The following NOTCH3 variants were observed in gnomAD, a reference collection of about 807,000 sequenced individuals.
NOTCH3 encodes the protein neurogenic locus notch homolog protein 3.
Under a neutral mutation model 213.3 loss-of-function variants are expected in NOTCH3, and 86 were observed. That is an observed-to-expected ratio of 0.40 (90% confidence interval 0.34 to 0.48). The LOEUF (loss-of-function observed/expected upper bound fraction) is 0.48. Among genes scored for constraint, NOTCH3 ranks in the 20% least tolerant of loss-of-function variants. The pLI is 0.57. For synonymous variants in NOTCH3, 1,354 were observed against 1,355.9 expected (o/e 1.00, Z 0.03); for missense variants, 2,783 against 3,272.6 (o/e 0.85, Z 3.65).
At position 15,187,288 on chromosome 19, in the gene NOTCH3, G is replaced by A. The variant is rs1243082169; in HGVS notation, c.1657C>T (p.Pro553Ser). 12 of 1,613,930 alleles carry A rather than the reference G, an allele frequency of 7.4e-6. No homozygotes were observed. The highest frequency in any genetic ancestry group is 1.0e-5 in the Non-Finnish European group (12 of 1,180,032). Reference sequence around the variant, plus strand: ...TCCACGCAGCGACCATGGTGGCATGGGTCAGGGGAGCAGTCGTCCACGTTG... The same window carrying A: ...TCCACGCAGCGACCATGGTGGCATGAGTCAGGGGAGCAGTCGTCCACGTTG... The part of the protein sequence containing the change: ...DRNVDDCSPD[P>S]CHHGRCVDGI... Residue 553 changes from proline to serine, a missense_variant, in exon 11 of 33, where the codon CCA (proline) becomes TCA (serine). Around this residue, in one of 6 missense-constraint regions of NOTCH3, gnomAD observed 708 missense variants for 906.6 expected, o/e 0.78. Coordinates refer to ENST00000263388, the MANE Select transcript of NOTCH3 (RefSeq NM_000435.3).
Position 15,187,954 on chromosome 19 carries a change from G to A in NOTCH3, c.1533C>T (p.Cys511=), listed in dbSNP as rs1295357202. The A allele has an allele frequency of 2.6e-6, 4 of 1,550,558 alleles. No homozygotes were observed. Among genetic ancestry groups the A allele is most frequent in the Non-Finnish European group, 3.5e-6 (4 of 1,146,996 alleles). The change falls in exon 10 of 33, where the codon TGC becomes TGT. Residue 511 remains cysteine (C), a synonymous_variant. Transcript: ENST00000263388. Reference sequence around the variant, plus strand: ...CGCCATTCCTGCAGGGCGTGCTGGCGCATTCGTCCACGTCCAGCTGACACG... The same window carrying A: ...CGCCATTCCTGCAGGGCGTGCTGGCACATTCGTCCACGTCCAGCTGACACG... ...GSTCQLDVDE[C]ASTPCRNGAK...
intron 16 of NOTCH3, among the ~76,000 whole-genome samples, chr19:15,183,706 G>T (rs533194286): frequency 3.6e-4 from 54 of 152,108 alleles, no homozygotes; most frequent in African/African-American, 1.3e-3. Flanking sequence ...GCCTCTGGGG[G>T]GCCTTTTATC....
At chr19:15,186,375 TTGTATGTGTGTGTGTGTGTG>T (rs1196314177) in intron 12 of NOTCH3, among the ~76,000 whole-genome samples, 37 of 123,320 alleles carry the variant, frequency 3.0e-4, no homozygotes, top group African/African-American at 9.4e-4. Context: ...TTGTTTGTTT[TTGTATGTGTGTGTGTGTGTG>T]TGTGTGTGTG....
intron 10 of NOTCH3, among the ~76,000 whole-genome samples, 169 bp downstream of exon 10, chr19:15,187,712 G>C (rs1168999038): frequency 6.6e-6 from 1 of 151,906 alleles, no homozygotes; most frequent in Non-Finnish European, 1.5e-5. Flanking sequence ...GGCTCCACAC[G>C]TAGCCTTATG....
At chr19:15,163,842 G>GA (rs917672537) in intron 31 of NOTCH3, among the ~76,000 whole-genome samples, 2 of 149,932 alleles carry the variant, frequency 1.3e-5, no homozygotes, top group Non-Finnish European at 3.0e-5. Context: ...AAAAATAAAA[G>GA]AAAAAAAAAG....
chr19:15,170,216 G>A, intron 27 of NOTCH3, 46 bp from the exon 28 acceptor site: 2 of 1,522,794 alleles, frequency 1.3e-6, no homozygotes, highest in Non-Finnish European at 1.8e-6. Flanking sequence ...CACTAGAGGT[G>A]TCCAGCTGGG....
rs367700473 is a variant in NOTCH3 at position 15,180,973 on chromosome 19, G to A, written c.2982C>T (p.Gly994=). The A allele has an allele frequency of 1.6e-5, 26 of 1,593,012 alleles. No individual in the cohort carries two copies. Among genetic ancestry groups the A allele is most frequent in the Non-Finnish European group, 2.0e-5 (24 of 1,170,838 alleles). The change falls in exon 18 of 33, where the codon GGC becomes GGT. Residue 994 remains glycine (G), a synonymous_variant. Coordinates refer to ENST00000263388, the MANE Select transcript of NOTCH3 (RefSeq NM_000435.3). ...TAACTCCACCCACCTGGCACTGCGG[G>A]CCCGTGAAGCTCTCGAGGCAGGTGC... ...FRCTCLESFT[G]PQCQTLVDWC... is the part of the protein sequence containing the mutation.
At chr19:15,175,947 C>G (rs2046786549) in intron 24 of NOTCH3, among the ~76,000 whole-genome samples, 1 of 150,804 alleles carries the variant, frequency 6.6e-6, no homozygotes, top group African/African-American at 2.4e-5. Flanking sequence ...CAGAGAGGTA[C>G]GCAGAGGACA....
In NOTCH3 at chr19:15,179,191, G is replaced by T. The variant is rs763112778; in HGVS notation, c.3552C>A (p.Asp1184Glu). ...PRCLHNGTCV[D>E]LVGGFRCTCP... is the part of the protein sequence containing the mutation. The stretch of plus-strand genomic sequence containing the variant: ...AGGTGCAGCGGAAACCACCCACCAG[G>T]TCCACGCAGGTGCCATTGTGTAGGC... Residue 1184 changes from aspartate (D) to glutamate (E), a missense_variant, in exon 22 of 33, where the codon GAC becomes GAA. Physicochemically the swap from Asp to Glu is conservative, Grantham distance 45. Transcript: ENST00000263388. 1 of 1,614,072 alleles carries T rather than the reference G, an allele frequency of 6.2e-7. No homozygotes were observed. The highest frequency in any genetic ancestry group is 1.7e-5 in the Admixed American group (1 of 60,036).
rs1342203696 is a variant in NOTCH3, at chr19:15,162,403, G to A, written c.5913+62C>T. 3.6e-6 allele frequency: 4 copies of A among 1,097,662 alleles called. No homozygotes were observed. In the African/African-American group the frequency reaches 6.1e-5, roughly 17 times the overall value. The allele number at this position is 1,097,662 out of a possible 1,614,324, so 68.0% of individuals were successfully genotyped here. A position where few individuals can be genotyped will look rare whatever the true frequency, so the allele number is the denominator to read the frequency against. On this transcript the variant is annotated intron_variant, in intron 32 of 32. Transcript: ENST00000263388. ...TGAGAGAGTCTCACTCTGTTGCCCAGGCTGGATTGCAATGGCACTGTGCCA... is the reference window on the plus strand; with the variant it reads ...TGAGAGAGTCTCACTCTGTTGCCCAAGCTGGATTGCAATGGCACTGTGCCA...
Position 15,160,702 on chromosome 19 carries a change from G to C in NOTCH3, c.6926C>G (p.Pro2309Arg), listed in dbSNP as rs548018044. The C allele has an allele frequency of 9.3e-6, 15 of 1,614,216 alleles. No homozygotes were observed. The African/African-American group carries it at 9.3e-5, about 10-fold the overall frequency. ...CCTCTTGGGGGTAACTTCCGGCTGG[G>C]GCCCCAGCTGGGTCTGGGCCTGAGC... is the stretch of plus-strand genomic sequence containing the variant. Reference protein sequence around the residue: ...SLAQAQTQLGPQPEVTPKRQV... With the variant: ...SLAQAQTQLGRQPEVTPKRQV... The change falls in exon 33 of 33, where the codon CCC becomes CGC. Residue 2309 changes from proline to arginine, a missense_variant. Physicochemically the swap from Pro to Arg is moderately radical, Grantham distance 103. Coordinates refer to ENST00000263388, the MANE Select transcript of NOTCH3 (RefSeq NM_000435.3).
chr19:15,182,179 C>T (rs935943757), intron 16 of NOTCH3, among the ~76,000 whole-genome samples: 4 of 151,978 alleles, frequency 2.6e-5, no homozygotes, highest in African/African-American at 9.7e-5. Flanking sequence ...ATGTAAAATA[C>T]ATACTGGGTT....
In NOTCH3 at chr19:15,169,186, GTCTCTCTC is replaced by G. The variant is rs56916343; in HGVS notation, c.5199+892_5199+899del. ...AAGAAGAGGATGGGATGTCAAATCT[GTCTCTCTC>G]TCTCTCTCTCTCTCTCTCTCTCTCT... On this transcript the variant is annotated intron_variant, in intron 28 of 32. Transcript: ENST00000263388. Among the ~76,000 whole-genome samples the G allele has an allele frequency of 3.2e-3, 468 of 146,734 alleles. 2 individuals are homozygous for G. Among genetic ancestry groups the G allele is most frequent in the African/African-American group, 0.01 (393 of 39,166 alleles).
intron 16 of NOTCH3, among the ~76,000 whole-genome samples, 191 bp from the exon 17 acceptor site, chr19:15,181,992 C>T (rs544428547): frequency 1.4e-4 from 22 of 152,318 alleles, no homozygotes; most frequent in Non-Finnish European, 2.6e-4. Context: ...GAAACCTCAC[C>T]TATGTGGCAA....
chr19:15,200,989 G>A lies in NOTCH3; in HGVS notation c.-84C>T, dbSNP rs1271029032. ...GGCCAGCCTCCGCGCCGCCAACTTC[G>A]CCGAAGTGAGGCGGCCGGGCCGCCC... On this transcript the variant is annotated 5_prime_UTR_variant, in exon 1 of 33. Transcript: ENST00000263388. 5 of 190,474 alleles carry A rather than the reference G, an allele frequency of 2.6e-5. No individual in the cohort carries two copies. The highest frequency in any genetic ancestry group is 9.6e-5 in the African/African-American group (4 of 41,664). 11.8% of individuals were successfully genotyped at this position (190,474 alleles called of 1,614,324 possible).
In NOTCH3 at chr19:15,161,117, C is replaced by A; in HGVS notation, c.6511G>T (p.Asp2171Tyr). The A allele has an allele frequency of 8.4e-6, 13 of 1,539,534 alleles. No individual in the cohort carries two copies. The highest frequency in any genetic ancestry group is 1.1e-5 in the Non-Finnish European group (13 of 1,148,654). The change falls in exon 33 of 33, where the codon GAT becomes TAT. Residue 2171 changes from aspartate to tyrosine, a missense_variant. Coordinates refer to ENST00000263388, the MANE Select transcript of NOTCH3 (RefSeq NM_000435.3). Reference sequence around the variant, plus strand: ...GCAGGTGGGGGCAGCCGGGCCCAATCGAGGGGCACAGCCACAGGGTTCAGC... The same window carrying A: ...GCAGGTGGGGGCAGCCGGGCCCAATAGAGGGGCACAGCCACAGGGTTCAGC... ...GLLNPVAVPL[D>Y]WARLPPPAPP...
chr19:15,188,783 T>C (rs1454558785), intron 8 of NOTCH3, among the ~76,000 whole-genome samples: 5 of 152,284 alleles, frequency 3.3e-5, no homozygotes, highest in Non-Finnish European at 7.4e-5. Context: ...CCAGCCCACC[T>C]GAGGTTCTAC....
Position 15,180,159 on chromosome 19 carries a change from G to C in NOTCH3, c.3240C>G (p.His1080Gln), listed in dbSNP as rs2046827481. The part of the protein sequence containing the change: ...CVCPEGRTGS[H>Q]CEQEVDPCLA... ...AGCAGGGGTCCACCTCCTGCTCACA[G>C]TGGCTACCAGTACGGCCCTCTGGGC... is the stretch of plus-strand genomic sequence containing the variant. Residue 1080 changes from histidine to glutamine, a missense_variant, in exon 20 of 33, where the codon CAC (histidine) becomes CAG (glutamine). His to Gln is a conservative substitution (Grantham distance 24, BLOSUM62 0). Coordinates refer to ENST00000263388, the MANE Select transcript of NOTCH3 (RefSeq NM_000435.3). 2 of 1,613,566 alleles carry C rather than the reference G, an allele frequency of 1.2e-6. No homozygotes were observed. Among genetic ancestry groups the C allele is most frequent in the Non-Finnish European group, 1.7e-6 (2 of 1,179,954 alleles).
chr19:15,186,374 T>TG (rs2046881118), intron 12 of NOTCH3, among the ~76,000 whole-genome samples: 2 of 93,778 alleles, frequency 2.1e-5, no homozygotes, highest in Admixed American at 1.1e-4. Flanking sequence ...TTTGTTTGTT[T>TG]TTGTATGTGT....
Sources: gnomAD v4.1 joint callset for allele counts (sites outside exome capture counted in the v4.1 genomes callset) on GRCh38, gnomAD v4.1.1 for gene constraint, gnomAD v4.1.1 regional missense constraint, MANE v1.5 for transcripts, NCBI Gene and HGNC (gene_info 2026-07-23, HGNC 2026-07-21) for gene names.